Variants in XPR1 observed in about 807,000 individuals in gnomAD.
XPR1 encodes xenotropic and polytropic retrovirus receptor 1.
Under a neutral mutation model 87.5 loss-of-function variants are expected in XPR1, and 28 were observed. The ratio of observed to expected loss-of-function variants is 0.32; its 90% CI spans 0.24 to 0.44. XPR1 has a LOEUF of 0.44. Ranked by LOEUF, XPR1 falls within the 20% of genes least tolerant of loss-of-function variation. XPR1 has a pLI of 1.00. For missense variants in XPR1, 559 were observed against 862.3 expected, an observed-to-expected ratio of 0.65 and a Z score of 4.41; for synonymous variants, 300 against 306.1, an observed-to-expected ratio of 0.98 and a Z score of 0.21.
At chr1:180,786,967 A>G (rs193100600) in intron 2 of XPR1, among the ~76,000 whole-genome samples, 3 of 152,348 alleles carry the variant, frequency 2.0e-5, no homozygotes, top group Admixed American at 1.3e-4. Flanking sequence ...CAGTTAAAGT[A>G]AAAATAAATA....
intron 11 of XPR1, among the ~76,000 whole-genome samples, chr1:180,862,635 C>G (rs1652261219): frequency 1.3e-5 from 2 of 152,082 alleles, no homozygotes; most frequent in Admixed American, 1.3e-4. Flanking sequence ...ATGTTTCACT[C>G]TCTAGATTAT....
intron 2 of XPR1, among the ~76,000 whole-genome samples, chr1:180,711,722 C>A (rs1657804665): frequency 6.6e-6 from 1 of 152,054 alleles, no homozygotes; most frequent in Non-Finnish European, 1.5e-5. Context: ...TGATGTAGTC[C>A]AATTTATCAG....
chr1:180,876,086 G>A (rs1245044780), intron 13 of XPR1, among the ~76,000 whole-genome samples: 1 of 151,874 alleles, frequency 6.6e-6, no homozygotes, highest in Non-Finnish European at 1.5e-5. Context: ...AATATTTGAG[G>A]AAGAAATATT....
At chr1:180,686,007 G>A (rs1656760400) in intron 2 of XPR1, among the ~76,000 whole-genome samples, 1 of 151,996 alleles carries the variant, frequency 6.6e-6, no homozygotes, top group Non-Finnish European at 1.5e-5. Context: ...TCTGATCTTA[G>A]TTATTTCTTG....
intron 1 of XPR1, among the ~76,000 whole-genome samples, chr1:180,639,262 T>A (rs1654885247): frequency 6.6e-6 from 1 of 151,934 alleles, no homozygotes; most frequent in South Asian, 2.1e-4. Flanking sequence ...CACTCCAGCC[T>A]GGGTGACAGA....
intron 2 of XPR1, among the ~76,000 whole-genome samples, chr1:180,777,290 G>A (rs1166955060): frequency 2.6e-5 from 4 of 152,058 alleles, no homozygotes; most frequent in Admixed American, 1.3e-4. Flanking sequence ...CTGGTCTCCC[G>A]ACAACCTTAT....
intron 2 of XPR1, among the ~76,000 whole-genome samples, chr1:180,688,827 A>G (rs1656877131): frequency 6.6e-6 from 1 of 152,146 alleles, no homozygotes; most frequent in Non-Finnish European, 1.5e-5. Flanking sequence ...GAATTAATCT[A>G]CGTGGGTAAA....
intron 2 of XPR1, among the ~76,000 whole-genome samples, chr1:180,781,898 C>T (rs908979756): frequency 2.0e-5 from 3 of 151,834 alleles, no homozygotes; most frequent in East Asian, 1.9e-4. Flanking sequence ...TAGGTTCAAG[C>T]GAAGAATCAT....
At chr1:180,635,355 A>G (rs910941941) in intron 1 of XPR1, among the ~76,000 whole-genome samples, 1 of 152,198 alleles carries the variant, frequency 6.6e-6, no homozygotes, top group African/African-American at 2.4e-5. Flanking sequence ...ATTAGTGACT[A>G]TATATTTTAA....
intron 2 of XPR1, among the ~76,000 whole-genome samples, chr1:180,767,669 A>C (rs541319459): frequency 1.1e-4 from 16 of 152,346 alleles, no homozygotes; most frequent in African/African-American, 3.6e-4. Flanking sequence ...AGTATACCTC[A>C]CAAAATATTA....
chr1:180,705,774 G>C (rs1427750075), intron 2 of XPR1, among the ~76,000 whole-genome samples: 2 of 152,044 alleles, frequency 1.3e-5, no homozygotes, highest in African/African-American at 4.8e-5. Context: ...AAAAAAGTTA[G>C]GTTAATAAAT....
Position 180,873,958 on chromosome 1 carries a change from A to G in XPR1, c.1808+16A>G, listed in dbSNP as rs751464210. ...AGGTTTTCCGGTAAGCAAACTACTG[A>G]AAAGTTTATTAAAGATTCTTTTTAA... On this transcript the variant is annotated intron_variant, in intron 13 of 14. Coordinates refer to ENST00000367590, the MANE Select transcript of XPR1 (RefSeq NM_004736.4). 19 of 1,606,618 alleles carry G rather than the reference A, an allele frequency of 1.2e-5. No individual in the cohort carries two copies. In the African/African-American group the frequency reaches 2.3e-4, roughly 19 times the overall value.
intron 1 of XPR1, among the ~76,000 whole-genome samples, chr1:180,672,923 A>G (rs541807448): frequency 1.9e-4 from 29 of 152,300 alleles, no homozygotes; most frequent in African/African-American, 6.5e-4. Context: ...ATGAGCACAA[A>G]TATTCCTTGC....
intron 11 of XPR1, among the ~76,000 whole-genome samples, chr1:180,850,869 G>A (rs1404829822): frequency 6.6e-6 from 1 of 151,610 alleles, no homozygotes; most frequent in Non-Finnish European, 1.5e-5. Flanking sequence ...TGAGGCAGGA[G>A]GATCACTTGA....
intron 7 of XPR1, 147 bp downstream of exon 7, chr1:180,811,635 GT>G: frequency 2.4e-5 from 14 of 573,560 alleles, no homozygotes; most frequent in South Asian, 7.6e-5. Flanking sequence ...TATAAATGTG[GT>G]TTTTTTTAGT....
chr1:180,788,802 A>G (rs1173406938), intron 3 of XPR1, among the ~76,000 whole-genome samples: 2 of 152,256 alleles, frequency 1.3e-5, no homozygotes, highest in African/African-American at 4.8e-5. Context: ...TGGAAATACC[A>G]TAATCTTATA....
intron 2 of XPR1, among the ~76,000 whole-genome samples, chr1:180,742,675 A>G (rs1309494820): frequency 6.6e-6 from 1 of 152,002 alleles, no homozygotes; most frequent in African/African-American, 2.4e-5. Context: ...CACTTCTTCT[A>G]TATTCTTGCT....
intron 2 of XPR1, among the ~76,000 whole-genome samples, chr1:180,708,625 A>G (rs1657637522): frequency 6.6e-6 from 1 of 151,740 alleles, no homozygotes. Flanking sequence ...ACTGACTCCT[A>G]TTTTTAGCCC....
chr1:180,808,386 A>C (rs1173903663), intron 6 of XPR1, among the ~76,000 whole-genome samples: 1 of 152,110 alleles, frequency 6.6e-6, no homozygotes, highest in Non-Finnish European at 1.5e-5. Flanking sequence ...AATTTCTAGA[A>C]GAAAATATAG....
Sources: gnomAD v4.1 joint callset for allele counts (sites outside exome capture counted in the v4.1 genomes callset) on GRCh38, gnomAD v4.1.1 for gene constraint, MANE v1.5 for transcripts, NCBI Gene and HGNC (gene_info 2026-07-23, HGNC 2026-07-21) for gene names.